HEPACAM: variants seen among roughly 807,000 people sequenced by gnomAD.
The protein encoded by HEPACAM is hepatic and glial cell adhesion molecule.
Under a neutral mutation model 38.3 loss-of-function variants are expected in HEPACAM, and 18 were observed. The observed-to-expected ratio is 0.47, with a 90% confidence interval of 0.33 to 0.70. The LOEUF (loss-of-function observed/expected upper bound fraction) is 0.70. Ranked by LOEUF, HEPACAM falls within the 30% of genes least tolerant of loss-of-function variation. The pLI is 0.03. For missense variants in HEPACAM, 466 were observed against 563.0 expected (o/e 0.83, Z 1.74); for synonymous variants, 216 against 243.1 (o/e 0.89, Z 1.04).
chr11:124,922,555 C>T, intron 5 of HEPACAM, 97 bp from the exon 6 acceptor site: 1 of 1,599,150 alleles, frequency 6.3e-7, no homozygotes, highest in Non-Finnish European at 8.6e-7. Flanking sequence ...CCGCCACAAC[C>T]TCCACCAACA....
chr11:124,924,103 CA>C lies in HEPACAM; in HGVS notation c.428-94del. ...TCCCTGCCTTCCAACACACCTTTAA[CA>C]CTACCTTCCAACTCAATCTGTGGGC... On this transcript the variant is annotated intron_variant, in intron 2 of 6. Transcript: ENST00000298251. The surrounding 1 kb of genome is among the most constrained non-coding windows in gnomAD (Gnocchi z 4.4). 8.4e-7 allele frequency: 1 copy of C among 1,190,004 alleles called. No individual in the cohort carries two copies. Among genetic ancestry groups the C allele is most frequent in the Non-Finnish European group, 1.2e-6 (1 of 832,456 alleles). The allele number at this position is 1,190,004 out of a possible 1,614,324, so 73.7% of individuals were successfully genotyped here. A position where few individuals can be genotyped will look rare whatever the true frequency, so the allele number is the denominator to read the frequency against.
rs984791128 is a variant in HEPACAM, at chr11:124,921,279, G to GGCTGGGGAGCGC, written c.1098_1109dup (p.Arg367_Ala370dup). 1.1e-5 allele frequency: 15 copies of GGCTGGGGAGCGC among 1,351,470 alleles called. No homozygotes were observed. In the East Asian group the frequency reaches 3.4e-4, roughly 31 times the overall value. The allele number at this position is 1,351,470 out of a possible 1,614,324, so 83.7% of individuals were successfully genotyped here. A position where few individuals can be genotyped will look rare whatever the true frequency, so the allele number is the denominator to read the frequency against. On this transcript the variant is annotated inframe_insertion, in exon 7 of 7. Transcript: ENST00000298251. This position sits in a 1 kb window ranked among gnomAD's most constrained non-coding sequence, Gnocchi z 4.6. ...GCGGCGACGAGTGTGTCCGGCCGGT[G>GGCTGGGGAGCGC]GCTGGGGAGCGCGCTGGGGAGCGCG... is the stretch of plus-strand genomic sequence containing the variant.
intron 1 of HEPACAM, among the ~76,000 whole-genome samples, chr11:124,934,061 C>G (rs1006925873): frequency 6.6e-6 from 1 of 152,166 alleles, no homozygotes; most frequent in Non-Finnish European, 1.5e-5. Flanking sequence ...TCTCTCCAAC[C>G]CTGACCTCTC....
chr11:124,925,184 C>T (rs1947192134), intron 1 of HEPACAM, 115 bp from the exon 2 acceptor site: 1 of 746,598 alleles, frequency 1.3e-6, no homozygotes, highest in African/African-American at 1.8e-5. Context: ...CTCTTCACTC[C>T]CTGCCAATCC....
chr11:124,927,539 A>AT lies in HEPACAM; in HGVS notation c.86-2471dup, dbSNP rs1947232805. Among the ~76,000 whole-genome samples, 4 of 62,132 alleles carry AT rather than the reference A, an allele frequency of 6.4e-5. No individual in the cohort carries two copies. The South Asian group carries it at 1.6e-3, about 25-fold the overall frequency. 40.8% of individuals were successfully genotyped at this position (62,132 alleles called of 152,430 possible). ...TTTTTTTTTGTTTTTTTTTTTTTGT[A>AT]TTTTTTTGTAGAAACGGGATTTCAC... On this transcript the variant is annotated intron_variant, in intron 1 of 6. Coordinates refer to ENST00000298251, the MANE Select transcript of HEPACAM (RefSeq NM_152722.5).
chr11:124,927,552 A>G (rs556871002), intron 1 of HEPACAM, among the ~76,000 whole-genome samples: 32 of 122,360 alleles, frequency 2.6e-4, no homozygotes, highest in African/African-American at 8.4e-4. Flanking sequence ...TTTTTGTAGA[A>G]ACGGGATTTC....
At position 124,920,082 on chromosome 11, in the gene HEPACAM, G is replaced by A; in HGVS notation, c.*1056C>T. On this transcript the variant is annotated 3_prime_UTR_variant, in exon 7 of 7. Coordinates refer to ENST00000298251, the MANE Select transcript of HEPACAM (RefSeq NM_152722.5). Reference sequence around the variant, plus strand: ...CATGTGGGAGCAGGGCAGATGGGTGGCAGGAGGCCAGGGGTTGGATCATGT... The same window carrying A: ...CATGTGGGAGCAGGGCAGATGGGTGACAGGAGGCCAGGGGTTGGATCATGT... 4 of 1,538,616 alleles carry A rather than the reference G, an allele frequency of 2.6e-6. No homozygotes were observed. Among genetic ancestry groups the A allele is most frequent in the African/African-American group, 2.8e-5 (2 of 72,676 alleles).
rs538960313 is a variant in HEPACAM, at chr11:124,923,865, C to G, written c.573G>C (p.Ser191=). Residue 191 remains serine (S), a synonymous_variant, in exon 3 of 7, where the codon TCG becomes TCC. Coordinates refer to ENST00000298251, the MANE Select transcript of HEPACAM (RefSeq NM_152722.5). ...LKDGKPLLND[S]RMLLSPDQKV... ...TTTGGTCGGGGGACAGGAGCATTCTCGAGTCATTGAGGAGGGGCTTGCCAT... is the reference window on the plus strand; with the variant it reads ...TTTGGTCGGGGGACAGGAGCATTCTGGAGTCATTGAGGAGGGGCTTGCCAT... The G allele has an allele frequency of 1.3e-5, 21 of 1,614,048 alleles. No homozygotes were observed. In the East Asian group the frequency reaches 4.7e-4, roughly 36 times the overall value.
In HEPACAM at chr11:124,921,556, C is replaced by A; in HGVS notation, c.949-116G>T. 1 of 598,086 alleles carries A rather than the reference C, an allele frequency of 1.7e-6. No individual in the cohort carries two copies. 37.0% of individuals were successfully genotyped at this position (598,086 alleles called of 1,614,324 possible). On this transcript the variant is annotated intron_variant, in intron 6 of 6. Coordinates refer to ENST00000298251, the MANE Select transcript of HEPACAM (RefSeq NM_152722.5). The surrounding 1 kb of genome is among the most constrained non-coding windows in gnomAD (Gnocchi z 4.6). ...GGGACCTAGTTTCCCTCTGCACGCCCACCTCCTGGAAGGCTGCAGACAGGT... is the reference window on the plus strand; with the variant it reads ...GGGACCTAGTTTCCCTCTGCACGCCAACCTCCTGGAAGGCTGCAGACAGGT...
At chr11:124,922,367 A>G (rs1947151231) in intron 6 of HEPACAM, 21 bp downstream of exon 6, 2 of 1,610,412 alleles carry the variant, frequency 1.2e-6, no homozygotes, top group Admixed American at 1.7e-5. Context: ...GTTTCTGGGC[A>G]CCCAGTCCAG....
At chr11:124,927,866 G>T (rs1267459480) in intron 1 of HEPACAM, among the ~76,000 whole-genome samples, 1 of 152,062 alleles carries the variant, frequency 6.6e-6, no homozygotes, top group East Asian at 1.9e-4. Flanking sequence ...ACTCCAGGCT[G>T]GGTGACAGAG....
intron 1 of HEPACAM, among the ~76,000 whole-genome samples, chr11:124,926,110 G>A (rs1947204220): frequency 6.6e-6 from 1 of 152,220 alleles, no homozygotes; most frequent in Non-Finnish European, 1.5e-5. Flanking sequence ...GCTGAGACAT[G>A]AGAATCGCTT....
intron 1 of HEPACAM, 106 bp from the exon 2 acceptor site, chr11:124,925,175 T>C: frequency 1.2e-6 from 1 of 834,356 alleles, no homozygotes. Context: ...CCTCTCTGGC[T>C]CTTCACTCCC....
intron 1 of HEPACAM, among the ~76,000 whole-genome samples, chr11:124,928,042 T>A (rs1408338724): frequency 6.6e-6 from 1 of 152,200 alleles, no homozygotes; most frequent in Non-Finnish European, 1.5e-5. Flanking sequence ...TTTTCAGACT[T>A]TTAAAAATTA....
chr11:124,929,914 T>TGTCTTAAATTG (rs1947262394), intron 1 of HEPACAM, among the ~76,000 whole-genome samples: 1 of 152,198 alleles, frequency 6.6e-6, no homozygotes, highest in African/African-American at 2.4e-5. Context: ...GTCTTAAATT[T>TGTCTTAAATTG]ACCTTTTAAA....
chr11:124,932,229 T>C (rs1358629868), intron 1 of HEPACAM, among the ~76,000 whole-genome samples: 6 of 152,118 alleles, frequency 3.9e-5, no homozygotes, highest in Admixed American at 3.9e-4. Context: ...TAATAAACAA[T>C]TTAAAAAATG....
intron 1 of HEPACAM, among the ~76,000 whole-genome samples, chr11:124,926,140 T>C (rs1257097054): frequency 6.6e-6 from 1 of 152,200 alleles, no homozygotes; most frequent in Non-Finnish European, 1.5e-5. Flanking sequence ...AGGCAGAGGT[T>C]GCAGTGAGCT....
intron 5 of HEPACAM, 40 bp downstream of exon 5, chr11:124,922,705 A>T: frequency 6.2e-7 from 1 of 1,613,880 alleles, no homozygotes; most frequent in Non-Finnish European, 8.5e-7. Flanking sequence ...CACTGATCTG[A>T]TTGTTGATGG....
At chr11:124,929,661 A>G (rs1267990118) in intron 1 of HEPACAM, among the ~76,000 whole-genome samples, 1 of 152,116 alleles carries the variant, frequency 6.6e-6, no homozygotes, top group Non-Finnish European at 1.5e-5. Context: ...AGAAAAGGAA[A>G]TGAGATCTCA....
Sources: gnomAD v4.1 joint callset for allele counts (sites outside exome capture counted in the v4.1 genomes callset) on GRCh38, gnomAD v4.1.1 for gene constraint, Gnocchi (gnomAD v3.1) non-coding constraint, MANE v1.5 for transcripts, NCBI Gene and HGNC (gene_info 2026-07-23, HGNC 2026-07-21) for gene names.